Variants in PTPN3 observed in about 807,000 individuals in gnomAD.
PTPN3 encodes the protein protein tyrosine phosphatase non-receptor type 3, also known as tyrosine-protein phosphatase non-receptor type 3.
Under a neutral mutation model 132.7 loss-of-function variants are expected in PTPN3, and 96 were observed. That is an observed-to-expected ratio of 0.72 (90% CI 0.61 to 0.86). The LOEUF is 0.86. PTPN3 is among the 40% of genes least tolerant of loss of function. The probability of loss-of-function intolerance (pLI) is 0.00; values close to 1 mark genes in which losing one functional copy is unlikely to be tolerated. For synonymous variants in PTPN3, 398 were observed against 429.0 expected, an observed-to-expected ratio of 0.93 and a Z score of 0.89; for missense variants, 1,125 against 1,159.6, an observed-to-expected ratio of 0.97 and a Z score of 0.43.
At chr9:109,455,171 G>T (rs953360327) in intron 4 of PTPN3, among the ~76,000 whole-genome samples, 1 of 152,188 alleles carries the variant, frequency 6.6e-6, no homozygotes, top group Non-Finnish European at 1.5e-5. Context: ...TGCTTTTAAT[G>T]TAAAGTATAT....
the PTPN3 span, among the ~76,000 whole-genome samples, chr9:109,536,887 AT>A: frequency 6.6e-6 from 1 of 152,156 alleles, no homozygotes; most frequent in South Asian, 2.1e-4. Context: ...GTGATATTCA[AT>A]TTTTTTGTTT....
intron 22 of PTPN3, among the ~76,000 whole-genome samples, chr9:109,383,785 G>A (rs965232372): frequency 6.6e-6 from 1 of 152,152 alleles, no homozygotes; most frequent in African/African-American, 2.4e-5. Flanking sequence ...TGGAGGAGGA[G>A]GACGCAGCGT....
chr9:109,438,038 A>G, intron 8 of PTPN3, 76 bp downstream of exon 8: 2 of 1,468,494 alleles, frequency 1.4e-6, no homozygotes, highest in Non-Finnish European at 9.2e-7. Flanking sequence ...AAGAGGCTGC[A>G]TCAAACACAA....
chr9:109,529,290 T>C, the PTPN3 span, among the ~76,000 whole-genome samples: 3 of 152,212 alleles, frequency 2.0e-5, no homozygotes, highest in African/African-American at 7.2e-5. Context: ...AGGGAACTTA[T>C]TAGAAATGCA....
At chr9:109,407,046 A>G (rs899742613) in intron 17 of PTPN3, among the ~76,000 whole-genome samples, 1 of 152,180 alleles carries the variant, frequency 6.6e-6, no homozygotes, top group African/African-American at 2.4e-5. Context: ...AAAAACCATT[A>G]TGGAGAGAAG....
chr9:109,400,996 C>G (rs1841040565), intron 19 of PTPN3, among the ~76,000 whole-genome samples: 1 of 152,146 alleles, frequency 6.6e-6, no homozygotes. Flanking sequence ...GCTTTGAGGA[C>G]CCTACTGGTT....
intron 1 of PTPN3, among the ~76,000 whole-genome samples, chr9:109,482,926 C>T (rs923986604): frequency 2.0e-5 from 3 of 152,244 alleles, no homozygotes; most frequent in African/African-American, 7.2e-5. Context: ...AGGCTGTGGG[C>T]TGCTCTAGAC....
intron 10 of PTPN3, chr9:109,428,944 C>A: frequency 4.1e-6 from 4 of 985,444 alleles, no homozygotes; most frequent in Non-Finnish European, 4.8e-6. Flanking sequence ...AGGCCATGCG[C>A]TCTCTTTGCT....
At chr9:109,522,633 T>C in the PTPN3 span, among the ~76,000 whole-genome samples, 2 of 152,188 alleles carry the variant, frequency 1.3e-5, no homozygotes, top group African/African-American at 4.8e-5. Flanking sequence ...TGCAGCCTGT[T>C]TGGAAAACAC....
At chr9:109,503,985 C>T in the PTPN3 span, among the ~76,000 whole-genome samples, 1 of 152,124 alleles carries the variant, frequency 6.6e-6, no homozygotes, top group Non-Finnish European at 1.5e-5. Flanking sequence ...CAATAAACAT[C>T]ATAAATAAAT....
chr9:109,389,461 C>A, intron 21 of PTPN3, 82 bp from the exon 22 acceptor site: 1 of 1,380,960 alleles, frequency 7.2e-7, no homozygotes, highest in Non-Finnish European at 9.8e-7. Flanking sequence ...ATTCTACTTG[C>A]TAATTGATAT....
chr9:109,500,816 A>G (rs373893369), upstream of PTPN3, among the ~76,000 whole-genome samples: 140 of 151,978 alleles, frequency 9.2e-4, 1 homozygote, highest in African/African-American at 3.3e-3. Flanking sequence ...GGCCTCAGCT[A>G]CATGGGAGGC....
the PTPN3 span, among the ~76,000 whole-genome samples, chr9:109,503,623 C>G: frequency 2.8e-4 from 43 of 151,712 alleles, no homozygotes; most frequent in African/African-American, 9.9e-4. Context: ...GCAGGAGAAT[C>G]GCTGGAACCC....
chr9:109,396,636 C>T (rs1165233725), intron 19 of PTPN3, among the ~76,000 whole-genome samples: 1 of 152,120 alleles, frequency 6.6e-6, no homozygotes, highest in African/African-American at 2.4e-5. Flanking sequence ...TTATAAGAAG[C>T]TCTGAAGCTA....
intron 1 of PTPN3, among the ~76,000 whole-genome samples, chr9:109,465,706 C>CAAAAA (rs34634972): frequency 0.018 from 1,153 of 64,418 alleles, 47 homozygotes; most frequent in African/African-American, 0.062. Flanking sequence ...AACTCTGTCT[C>CAAAAA]AAAAAAAAAA....
intron 19 of PTPN3, among the ~76,000 whole-genome samples, chr9:109,395,838 T>A (rs539146446): frequency 1.3e-4 from 19 of 143,734 alleles, no homozygotes; most frequent in African/African-American, 2.6e-4. Flanking sequence ...ATGTATATAT[T>A]TTTTTTCAAG....
In PTPN3 at chr9:109,451,265, G is replaced by A. The variant is rs929783663; in HGVS notation, c.369-2410C>T. 23 of 985,214 alleles carry A rather than the reference G, an allele frequency of 2.3e-5. No homozygotes were observed. In the Admixed American group the frequency reaches 2.5e-4, roughly 11 times the overall value. 61.0% of individuals were successfully genotyped at this position (985,214 alleles called of 1,614,324 possible). On this transcript the variant is annotated intron_variant, in intron 5 of 25. Coordinates refer to ENST00000374541, the MANE Select transcript of PTPN3 (RefSeq NM_002829.4). ...ATCTGGCAGTCCTGGTGGCCCACCA[G>A]CTCTATAAGAGTTATGGGGGTGGCT... is the stretch of plus-strand genomic sequence containing the variant.
intron 13 of PTPN3, among the ~76,000 whole-genome samples, chr9:109,422,042 C>T (rs989143384): frequency 9.2e-5 from 14 of 152,216 alleles, no homozygotes; most frequent in African/African-American, 2.7e-4. Flanking sequence ...AAGCTTACTA[C>T]GTACTTGTAC....
intron 16 of PTPN3, among the ~76,000 whole-genome samples, chr9:109,408,999 G>A (rs1841852759): frequency 6.6e-6 from 1 of 151,526 alleles, no homozygotes; most frequent in African/African-American, 2.4e-5. Flanking sequence ...GTGCATGATG[G>A]CAGCTGGGGG....
Sources: gnomAD v4.1 joint callset for allele counts (sites outside exome capture counted in the v4.1 genomes callset) on GRCh38, gnomAD v4.1.1 for gene constraint, MANE v1.5 for transcripts, NCBI Gene and HGNC (gene_info 2026-07-23, HGNC 2026-07-21) for gene names.